RBFOX1: variants seen among roughly 807,000 people sequenced by gnomAD.
RBFOX1 encodes RNA binding protein fox-1 homolog 1.
RBFOX1 carries 8 observed loss-of-function variants against 57.7 expected under a neutral mutation model. That is an observed-to-expected ratio of 0.14 (90% CI 0.08 to 0.25). The LOEUF (loss-of-function observed/expected upper bound fraction) is 0.25. Among genes scored for constraint, RBFOX1 ranks in the 10% least tolerant of loss-of-function variants. The pLI is 1.00. For missense variants in RBFOX1, 611 were observed against 548.5 expected (o/e 1.11, Z -1.14); for synonymous variants, 326 against 222.4 (o/e 1.47, Z -4.15).
At chr16:5,671,456 T>C (rs886967905) in intron 3 of RBFOX1, among the ~76,000 whole-genome samples, 2 of 152,218 alleles carry the variant, frequency 1.3e-5, no homozygotes, top group Non-Finnish European at 2.9e-5. Flanking sequence ...TTTTCTTTAA[T>C]GTCTGTTTTT....
At chr16:7,613,435 A>C (rs953814681) in intron 10 of RBFOX1, among the ~76,000 whole-genome samples, 5 of 152,184 alleles carry the variant, frequency 3.3e-5, no homozygotes, top group Admixed American at 3.3e-4. Flanking sequence ...TGTGATCACC[A>C]AAGTCACCTC....
At chr16:6,648,970 A>C (rs1390249271) in intron 2 of RBFOX1, among the ~76,000 whole-genome samples, 1 of 152,176 alleles carries the variant, frequency 6.6e-6, no homozygotes, top group Non-Finnish European at 1.5e-5. Context: ...GTTAGAACAC[A>C]TAACATCTAC....
chr16:7,036,146 C>G (rs1052530003), intron 3 of RBFOX1, among the ~76,000 whole-genome samples: 5 of 151,804 alleles, frequency 3.3e-5, no homozygotes, highest in African/African-American at 1.2e-4. Flanking sequence ...TGGGTGCCTT[C>G]TATCCCTATT....
chr16:6,254,496 C>T (rs2097648160), intron 1 of RBFOX1, among the ~76,000 whole-genome samples: 1 of 151,940 alleles, frequency 6.6e-6, no homozygotes, highest in South Asian at 2.1e-4. Context: ...TGGTAATAAC[C>T]CTTGCTGAGT....
At chr16:5,572,210 T>C (rs1322312017) in intron 2 of RBFOX1, among the ~76,000 whole-genome samples, 1 of 152,174 alleles carries the variant, frequency 6.6e-6, no homozygotes, top group Admixed American at 6.5e-5. Context: ...AAGGGAGACT[T>C]ATACTTCTGT....
At chr16:5,558,279 A>T (rs1365435558) in intron 2 of RBFOX1, among the ~76,000 whole-genome samples, 1 of 152,166 alleles carries the variant, frequency 6.6e-6, no homozygotes, top group Non-Finnish European at 1.5e-5. Flanking sequence ...GAGCTGAAAG[A>T]GCACACTGTA....
At chr16:6,988,924 A>C (rs142532955) in intron 3 of RBFOX1, among the ~76,000 whole-genome samples, 1 of 151,840 alleles carries the variant, frequency 6.6e-6, no homozygotes, top group East Asian at 1.9e-4. Context: ...GGCGCCCACT[A>C]CCATGCCTGG....
At position 5,772,320 on chromosome 16, in the gene RBFOX1, C is replaced by T. The variant is rs181563704; in HGVS notation, c.319-94983C>T. Reference sequence around the variant, plus strand: ...AGGCTCCCTCCATGTAGAGTCTGTACGCCGCCTCTCCTAACATCTTCCCAT... The same window carrying T: ...AGGCTCCCTCCATGTAGAGTCTGTATGCCGCCTCTCCTAACATCTTCCCAT... On this transcript the variant is annotated intron_variant, in intron 3 of 19. Transcript: ENST00000641259. Among the ~76,000 whole-genome samples the T allele has an allele frequency of 1.1e-4, 16 of 151,966 alleles. No individual in the cohort carries two copies. The East Asian group carries it at 1.7e-3, about 17-fold the overall frequency.
At chr16:5,293,232 T>A (rs1596419800) in intron 1 of RBFOX1, among the ~76,000 whole-genome samples, 1 of 151,808 alleles carries the variant, frequency 6.6e-6, no homozygotes, top group Admixed American at 6.6e-5. Context: ...GAGGCAGGAG[T>A]TATCGCTTGA....
intron 3 of RBFOX1, among the ~76,000 whole-genome samples, chr16:5,833,261 A>AGGCAG (rs1298249343): frequency 6.6e-5 from 10 of 152,162 alleles, no homozygotes; most frequent in Admixed American, 5.2e-4. Flanking sequence ...TGGGAGGCTG[A>AGGCAG]GGCAGGTGGA....
chr16:7,272,587 A>G (rs1477854349), intron 4 of RBFOX1, among the ~76,000 whole-genome samples: 1 of 152,204 alleles, frequency 6.6e-6, no homozygotes, highest in Non-Finnish European at 1.5e-5. Context: ...TGTAGAGAGG[A>G]CAGGAAAGCA....
chr16:5,596,005 C>T (rs527858634), intron 2 of RBFOX1, among the ~76,000 whole-genome samples: 1 of 152,200 alleles, frequency 6.6e-6, no homozygotes, highest in African/African-American at 2.4e-5. Flanking sequence ...TTCCTGTGCT[C>T]CTGATGAAAA....
chr16:7,544,413 C>A (rs2083838658), intron 5 of RBFOX1, among the ~76,000 whole-genome samples: 1 of 152,136 alleles, frequency 6.6e-6, no homozygotes, highest in Non-Finnish European at 1.5e-5. Context: ...AAAGTAGAGC[C>A]TTTGTAGATA....
chr16:5,305,301 G>C (rs1183512074), intron 1 of RBFOX1, among the ~76,000 whole-genome samples: 4 of 152,112 alleles, frequency 2.6e-5, no homozygotes, highest in Non-Finnish European at 4.4e-5. Context: ...CACCACACAG[G>C]CTTTTATTGT....
chr16:7,584,135 C>T (rs555379316), intron 6 of RBFOX1, among the ~76,000 whole-genome samples: 1 of 152,304 alleles, frequency 6.6e-6, no homozygotes, highest in South Asian at 2.1e-4. Flanking sequence ...CTTTGGCCTT[C>T]ACGCACAATC....
At chr16:5,981,943 T>A (rs1404421323) in intron 4 of RBFOX1, among the ~76,000 whole-genome samples, 1 of 152,232 alleles carries the variant, frequency 6.6e-6, no homozygotes, top group Non-Finnish European at 1.5e-5. Context: ...CAAAGAACTA[T>A]GCAGTCCCAA....
At chr16:7,307,824 C>G (rs1568134348) in intron 4 of RBFOX1, among the ~76,000 whole-genome samples, 1 of 152,168 alleles carries the variant, frequency 6.6e-6, no homozygotes. Context: ...GACAAGTAGT[C>G]CTTGGAGCAA....
chr16:5,424,960 C>CTT (rs2067491275), intron 1 of RBFOX1, among the ~76,000 whole-genome samples: 1 of 48,834 alleles, frequency 2.0e-5, no homozygotes, highest in African/African-American at 9.1e-5. Flanking sequence ...TCCTTTGTTT[C>CTT]TTTCTCTTTC....
At chr16:5,495,858 G>A (rs2042984562) in intron 2 of RBFOX1, among the ~76,000 whole-genome samples, 1 of 152,348 alleles carries the variant, frequency 6.6e-6, no homozygotes, top group South Asian at 2.1e-4. Flanking sequence ...GAGCATGGTG[G>A]CTCACGCCTG....
Sources: gnomAD v4.1 joint callset for allele counts (sites outside exome capture counted in the v4.1 genomes callset) on GRCh38, gnomAD v4.1.1 for gene constraint, MANE v1.5 for transcripts, NCBI Gene and HGNC (gene_info 2026-07-23, HGNC 2026-07-21) for gene names.